Variants in SECISBP2 observed in about 807,000 individuals in gnomAD.
SECISBP2 encodes the protein SECIS binding protein 2.
SECISBP2 carries 96 observed loss-of-function variants against 98.2 expected under a neutral mutation model. The observed-to-expected ratio is 0.98, with a 90% confidence interval of 0.83 to 1.16. The LOEUF (loss-of-function observed/expected upper bound fraction) is 1.16, where lower values mean the gene tolerates loss of function less well. SECISBP2 is among the 50% of genes most tolerant of loss of function. The pLI is 0.00. For missense variants in SECISBP2, 1,046 were observed against 1,022.9 expected (o/e 1.02, Z -0.31); for synonymous variants, 407 against 370.2 (o/e 1.10, Z -1.14).
At chr9:89,363,610 G>A, downstream of SECISBP2, 1 of 1,597,322 alleles carries the variant, frequency 6.3e-7, no homozygotes, top group Non-Finnish European at 8.5e-7. Flanking sequence ...CTTTCTCAAT[G>A]GAAAGCCAAT....
intron 1 of SECISBP2, 82 bp from the exon 2 acceptor site, chr9:89,319,570 G>T: frequency 1.3e-6 from 2 of 1,503,190 alleles, no homozygotes; most frequent in South Asian, 1.1e-5. Context: ...GGGCTATTAG[G>T]AACACCTCTT....
At chr9:89,333,263 T>C (rs1227800878) in intron 6 of SECISBP2, among the ~76,000 whole-genome samples, 1 of 152,206 alleles carries the variant, frequency 6.6e-6, no homozygotes, top group African/African-American at 2.4e-5. Context: ...CTTCCTTTAG[T>C]ATTGCCTATT....
At chr9:89,353,886 G>C (rs961882500) in intron 14 of SECISBP2, among the ~76,000 whole-genome samples, 2 of 152,158 alleles carry the variant, frequency 1.3e-5, no homozygotes, top group Non-Finnish European at 2.9e-5. Flanking sequence ...CATTGGTTCC[G>C]ACACGTTTTT....
At chr9:89,320,798 A>G (rs1472523480) in intron 2 of SECISBP2, among the ~76,000 whole-genome samples, 1 of 152,184 alleles carries the variant, frequency 6.6e-6, no homozygotes, top group Non-Finnish European at 1.5e-5. Context: ...TCTTTCACAT[A>G]ATTGTGTAGA....
Position 89,334,697 on chromosome 9 carries a change from C to G in SECISBP2, c.1056C>G (p.Asn352Lys). ...CTTTATCTTCGGATCCTTCCTACAA[C>G]AAAGAAAAACACATTATTCATCCTA... Reference protein sequence around the residue: ...SEALSSDPSYNKEKHIIHPTQ... With the variant: ...SEALSSDPSYKKEKHIIHPTQ... The change falls in exon 7 of 17, where the codon AAC becomes AAG. Residue 352 changes from asparagine (N) to lysine (K), a missense_variant. By Grantham distance (94) the Asn-to-Lys change is moderately conservative. Transcript: ENST00000375807. 6.2e-7 allele frequency: 1 copy of G among 1,613,778 alleles called. No individual in the cohort carries two copies. The highest frequency in any genetic ancestry group is 8.5e-7 in the Non-Finnish European group (1 of 1,179,872).
Position 89,333,131 on chromosome 9 carries a change from T to G in SECISBP2, c.880+145T>G, listed in dbSNP as rs370743701. 1.1e-5 allele frequency: 8 copies of G among 720,314 alleles called. No individual in the cohort carries two copies. In the African/African-American group the frequency reaches 1.4e-4, roughly 13 times the overall value. 44.6% of individuals were successfully genotyped at this position (720,314 alleles called of 1,614,324 possible). On this transcript the variant is annotated intron_variant, in intron 6 of 16. Coordinates refer to ENST00000375807, the MANE Select transcript of SECISBP2 (RefSeq NM_024077.5). The stretch of plus-strand genomic sequence containing the variant: ...TGGGTAACCTAACATCAGTGTTAGT[T>G]TAGAAAGTTAAGTAGATGAGATCCC...
rs771723645 is a variant in SECISBP2, at chr9:89,325,923, G to T, written c.459G>T (p.Thr153=). The T allele has an allele frequency of 6.2e-7, 1 of 1,613,824 alleles. No homozygotes were observed. Among genetic ancestry groups the T allele is most frequent in the East Asian group, 2.2e-5 (1 of 44,890 alleles). ...FKKKTYDEKK[T]YDQQKFDSER... ...AGAAAACCTATGATGAGAAAAAAACGTATGATCAGCAAAAGTTTGACAGTG... is the reference window on the plus strand; with the variant it reads ...AGAAAACCTATGATGAGAAAAAAACTTATGATCAGCAAAAGTTTGACAGTG... Residue 153 remains threonine (T), a synonymous_variant, in exon 4 of 17, where the codon ACG becomes ACT. Coordinates refer to ENST00000375807, the MANE Select transcript of SECISBP2 (RefSeq NM_024077.5).
intron 12 of SECISBP2, among the ~76,000 whole-genome samples, chr9:89,349,556 G>C (rs1830942179): frequency 6.6e-6 from 1 of 152,140 alleles, no homozygotes; most frequent in African/African-American, 2.4e-5. Context: ...ATTGAGGGGA[G>C]GCACACCTCC....
downstream of SECISBP2, chr9:89,363,531 G>A: frequency 6.2e-7 from 1 of 1,613,978 alleles, no homozygotes; most frequent in Non-Finnish European, 8.5e-7. Context: ...GTCACTTCTG[G>A]AAAACAAGCA....
downstream of SECISBP2, among the ~76,000 whole-genome samples, chr9:89,362,703 GAGGATC>G (rs1832884534): frequency 1.3e-5 from 2 of 152,250 alleles, no homozygotes; most frequent in South Asian, 4.1e-4. Flanking sequence ...CTGAAGTACA[GAGGATC>G]AGCTGTAAAT....
rs1163556314 is a variant in SECISBP2 at position 89,357,443 on chromosome 9, G to A, written c.2146G>A (p.Asp716Asn). 1.2e-6 allele frequency: 2 copies of A among 1,614,154 alleles called. No individual in the cohort carries two copies. The highest frequency in any genetic ancestry group is 3.3e-5 in the Admixed American group (2 of 60,030). Reference protein sequence around the residue: ...GLDDTLHTIIDYACEQNIPFV... With the variant: ...GLDDTLHTIINYACEQNIPFV... ...GGATGACACTTTGCACACAATTATT[G>A]ATTATGCCTGTGAGCAGAACATTCC... The change falls in exon 15 of 17, where the codon GAT (aspartate) becomes AAT (asparagine). Residue 716 changes from aspartate (D) to asparagine (N), a missense_variant. Asp to Asn is a conservative substitution (Grantham distance 23). Transcript: ENST00000375807.
chr9:89,331,286 C>T (rs1169747566), intron 5 of SECISBP2, among the ~76,000 whole-genome samples: 1 of 152,176 alleles, frequency 6.6e-6, no homozygotes, highest in Non-Finnish European at 1.5e-5. Context: ...ATCTCTCATA[C>T]TGATAGGTAT....
intron 6 of SECISBP2, 133 bp downstream of exon 6, chr9:89,333,119 A>G (rs924706708): frequency 2.5e-5 from 19 of 756,534 alleles, no homozygotes; most frequent in Middle Eastern, 7.0e-4. Context: ...GTAACCTAAC[A>G]TCAGTGTTAG....
intron 14 of SECISBP2, among the ~76,000 whole-genome samples, chr9:89,351,708 G>A (rs1263950637): frequency 1.3e-5 from 2 of 152,126 alleles, no homozygotes; most frequent in African/African-American, 4.8e-5. Flanking sequence ...TGACATGTCC[G>A]AGGCCCCCAG....
chr9:89,349,536 G>A (rs1176205211), intron 12 of SECISBP2, among the ~76,000 whole-genome samples: 1 of 152,244 alleles, frequency 6.6e-6, no homozygotes, highest in South Asian at 2.1e-4. Context: ...AAAAATGAAT[G>A]TATAAGTAAA....
chr9:89,355,450 A>G (rs1391808772), intron 14 of SECISBP2: 1 of 968,470 alleles, frequency 1.0e-6, no homozygotes, highest in Non-Finnish European at 1.2e-6. Context: ...GGAGCTTGGC[A>G]TTTTCTGTGA....
intron 15 of SECISBP2, 29 bp from the exon 16 acceptor site, chr9:89,357,969 GT>G: frequency 6.2e-7 from 1 of 1,610,988 alleles, no homozygotes; most frequent in Non-Finnish European, 8.5e-7. Flanking sequence ...TAGCTGGGAT[GT>G]TACCTGTGTG....
In SECISBP2 at chr9:89,329,090, A is replaced by G. The variant is rs757585690; in HGVS notation, c.801+204A>G. 36 of 584,668 alleles carry G rather than the reference A, an allele frequency of 6.2e-5. No homozygotes were observed. The African/African-American group carries it at 6.2e-4, about 10-fold the overall frequency. The allele number at this position is 584,668 out of a possible 1,614,324, so 36.2% of individuals were successfully genotyped here. A position where few individuals can be genotyped will look rare whatever the true frequency, so the allele number is the denominator to read the frequency against. ...TGAGGCTGTAACATCTAGTGCAGCT[A>G]TTGTTTTATTTGTGCGTTTTGTTTT... On this transcript the variant is annotated intron_variant, in intron 5 of 16. Coordinates refer to ENST00000375807, the MANE Select transcript of SECISBP2 (RefSeq NM_024077.5).
intron 10 of SECISBP2, among the ~76,000 whole-genome samples, chr9:89,345,023 G>T (rs1343698282): frequency 1.3e-5 from 2 of 152,146 alleles, no homozygotes; most frequent in South Asian, 4.1e-4. Context: ...GACTTCCTTT[G>T]GTATTAGTGA....
Sources: allele counts gnomAD v4.1 joint callset (sites outside exome capture counted in the v4.1 genomes callset), GRCh38; gene constraint gnomAD v4.1.1; transcripts MANE v1.5; gene names NCBI Gene and HGNC (gene_info 2026-07-23, HGNC 2026-07-21).